TAFA1: variants seen among roughly 807,000 people sequenced by gnomAD.
The protein encoded by TAFA1 is chemokine-like protein TAFA-1.
TAFA1 carries 4 observed loss-of-function variants against 18.5 expected under a neutral mutation model. The ratio of observed to expected loss-of-function variants is 0.22; its 90% CI spans 0.11 to 0.49. The LOEUF (loss-of-function observed/expected upper bound fraction) is 0.49, where lower values mean the gene tolerates loss of function less well. Among genes scored for constraint, TAFA1 ranks in the 20% least tolerant of loss-of-function variants. The pLI is 0.98. For missense variants in TAFA1, 147 were observed against 169.0 expected, an observed-to-expected ratio of 0.87 and a Z score of 0.72; for synonymous variants, 56 against 55.2, an observed-to-expected ratio of 1.01 and a Z score of -0.06.
At chr3:67,997,071 G>A in the TAFA1 span, among the ~76,000 whole-genome samples, 9 of 151,996 alleles carry the variant, frequency 5.9e-5, no homozygotes, top group Admixed American at 5.9e-4. Context: ...GCTGAGTTAG[G>A]AAAAAGGAAG....
chr3:68,401,277 A>C (rs777146347), intron 2 of TAFA1, among the ~76,000 whole-genome samples: 12 of 152,174 alleles, frequency 7.9e-5, no homozygotes, highest in Middle Eastern at 3.2e-3. Flanking sequence ...GTCTCAGTCA[A>C]CTTTAGCATT....
intron 2 of TAFA1, among the ~76,000 whole-genome samples, chr3:68,416,002 G>A (rs995402687): frequency 6.6e-6 from 1 of 152,136 alleles, no homozygotes; most frequent in Non-Finnish European, 1.5e-5. Context: ...TCTATGGGAG[G>A]CCATCCTGGG....
At chr3:68,038,529 G>A (rs556300766) in intron 2 of TAFA1, among the ~76,000 whole-genome samples, 14 of 152,254 alleles carry the variant, frequency 9.2e-5, no homozygotes, top group East Asian at 5.8e-4. Context: ...CACAGAGCCC[G>A]AACTCTAGCA....
chr3:68,429,346 A>T (rs1190947304), intron 3 of TAFA1, among the ~76,000 whole-genome samples: 1 of 151,882 alleles, frequency 6.6e-6, no homozygotes, highest in East Asian at 1.9e-4. Flanking sequence ...TCATCCTTAT[A>T]ATAGCCTTAT....
intron 2 of TAFA1, among the ~76,000 whole-genome samples, chr3:68,216,016 G>A (rs928913327): frequency 2.1e-4 from 32 of 152,120 alleles, no homozygotes; most frequent in Admixed American, 1.9e-3. Context: ...GAGAGACATG[G>A]AGGAAACTTA....
chr3:68,492,082 C>T (rs1382139681), intron 3 of TAFA1, among the ~76,000 whole-genome samples: 2 of 152,166 alleles, frequency 1.3e-5, no homozygotes, highest in Non-Finnish European at 2.9e-5. Context: ...ATGATCAGTA[C>T]ATAAAAAATT....
rs1391971386 is a variant in TAFA1, at chr3:68,095,074, G to T, written c.118+88330G>T. Among the ~76,000 whole-genome samples the T allele has an allele frequency of 2.0e-5, 3 of 152,160 alleles. No individual in the cohort carries two copies. The East Asian group carries it at 5.8e-4, about 29-fold the overall frequency. ...AGGCCCTTAAGTGGCTTGGTTTCAG[G>T]CAGGTAGCATTCTGGTTCTTTGTCT... On this transcript the variant is annotated intron_variant, in intron 2 of 4. Transcript: ENST00000478136.
intron 2 of TAFA1, among the ~76,000 whole-genome samples, chr3:68,076,956 C>G (rs1264019314): frequency 1.3e-5 from 2 of 152,134 alleles, no homozygotes; most frequent in Non-Finnish European, 2.9e-5. Flanking sequence ...TCTCCACATC[C>G]TCTCCAGCAC....
chr3:68,070,590 T>C (rs747559180), intron 2 of TAFA1, among the ~76,000 whole-genome samples: 2 of 152,240 alleles, frequency 1.3e-5, no homozygotes, highest in Non-Finnish European at 2.9e-5. Flanking sequence ...CCAGCTTGAA[T>C]TTCTCCTCAG....
At chr3:68,299,469 C>T (rs559041382) in intron 2 of TAFA1, among the ~76,000 whole-genome samples, 83 of 152,184 alleles carry the variant, frequency 5.5e-4, no homozygotes, top group African/African-American at 1.8e-3. Context: ...TTGGAACTAA[C>T]GTTTAAAAGG....
rs117078668 is a variant in TAFA1, at chr3:68,411,775, C to T, written c.119-5505C>T. Reference sequence around the variant, plus strand: ...GCAAAGTTATGTAAGTGTGACTTTTCCTGCCAAAGATCTAAAAATTTTACT... The same window carrying T: ...GCAAAGTTATGTAAGTGTGACTTTTTCTGCCAAAGATCTAAAAATTTTACT... On this transcript the variant is annotated intron_variant, in intron 2 of 4. Transcript: ENST00000478136. Among the ~76,000 whole-genome samples, 842 of 152,258 alleles carry T rather than the reference C, an allele frequency of 5.5e-3. 18 individuals are homozygous for T. In the East Asian group the frequency reaches 0.069, roughly 12 times the overall value.
At chr3:68,462,665 G>A (rs1046732774) in intron 3 of TAFA1, among the ~76,000 whole-genome samples, 9 of 151,994 alleles carry the variant, frequency 5.9e-5, no homozygotes, top group Non-Finnish European at 8.8e-5. Context: ...TACTAGTTTT[G>A]TCTTAAGTCA....
intron 2 of TAFA1, among the ~76,000 whole-genome samples, chr3:68,183,827 C>T (rs1225400792): frequency 6.6e-6 from 1 of 152,078 alleles, no homozygotes; most frequent in African/African-American, 2.4e-5. Context: ...GGAATTGATG[C>T]ATACAAAACA....
chr3:68,298,945 C>A (rs1010937064), intron 2 of TAFA1, among the ~76,000 whole-genome samples: 1 of 152,130 alleles, frequency 6.6e-6, no homozygotes, highest in Non-Finnish European at 1.5e-5. Context: ...GTGGATGTGA[C>A]TTTGGAACTG....
At chr3:68,307,148 T>A (rs2068437054) in intron 2 of TAFA1, among the ~76,000 whole-genome samples, 1 of 152,206 alleles carries the variant, frequency 6.6e-6, no homozygotes. Flanking sequence ...GCAGTGTGCC[T>A]AATCAGCATC....
At chr3:68,343,856 T>C (rs1409523990) in intron 2 of TAFA1, among the ~76,000 whole-genome samples, 2 of 152,200 alleles carry the variant, frequency 1.3e-5, no homozygotes, top group African/African-American at 4.8e-5. Flanking sequence ...TTATTATCAA[T>C]TTTTGAGATG....
chr3:68,090,151 A>T (rs1259437479), intron 2 of TAFA1, among the ~76,000 whole-genome samples: 1 of 152,228 alleles, frequency 6.6e-6, no homozygotes, highest in Non-Finnish European at 1.5e-5. Flanking sequence ...GAGTTGTGAC[A>T]GCTGAGTTGT....
intron 4 of TAFA1, 124 bp downstream of exon 4, chr3:68,539,004 T>C: frequency 1.0e-6 from 1 of 985,970 alleles, no homozygotes; most frequent in Non-Finnish European, 1.5e-6. Flanking sequence ...ACAGAAAGCA[T>C]TCTGAACTAT....
chr3:68,412,058 C>T (rs141863390), intron 2 of TAFA1, among the ~76,000 whole-genome samples: 102 of 152,222 alleles, frequency 6.7e-4, no homozygotes, highest in African/African-American at 2.4e-3. Flanking sequence ...AATCAAAGAG[C>T]CTGTTATTTA....
Sources: gnomAD v4.1 joint callset for allele counts (sites outside exome capture counted in the v4.1 genomes callset) on GRCh38, gnomAD v4.1.1 for gene constraint, MANE v1.5 for transcripts, NCBI Gene and HGNC (gene_info 2026-07-23, HGNC 2026-07-21) for gene names.